Variants in MINDY2 observed in about 807,000 individuals in gnomAD.
MINDY2 encodes ubiquitin carboxyl-terminal hydrolase MINDY-2.
A neutral mutation model predicts 68.2 loss-of-function variants in MINDY2; 52 were observed. The ratio of observed to expected loss-of-function variants is 0.76; its 90% CI spans 0.61 to 0.96. MINDY2 has a LOEUF of 0.96. MINDY2 is among the 40% of genes least tolerant of loss of function. The pLI, the probability that MINDY2 is intolerant of heterozygous loss-of-function variation, is 0.00. For synonymous variants in MINDY2, 372 were observed against 303.0 expected, an observed-to-expected ratio of 1.23 and a Z score of -2.36; for missense variants, 881 against 773.4, an observed-to-expected ratio of 1.14 and a Z score of -1.65.
chr15:58,850,653 A>G (rs1261033297), intron 7 of MINDY2, among the ~76,000 whole-genome samples: 3 of 152,188 alleles, frequency 2.0e-5, no homozygotes, highest in African/African-American at 7.2e-5. Context: ...GTGTGATCAC[A>G]GCTCACTGCA....
intron 6 of MINDY2, 67 bp downstream of exon 6, chr15:58,831,983 T>C (rs1337689261): frequency 1.7e-5 from 23 of 1,390,986 alleles, no homozygotes; most frequent in Non-Finnish European, 2.0e-5. Context: ...GAGTTGTCTT[T>C]TGATCTGCTT....
In MINDY2 at chr15:58,861,357, T is replaced by C. The variant is rs2033213400; in HGVS notation, c.*6747T>C. The C allele has an allele frequency of 6.6e-6, 1 of 152,224 alleles. No individual in the cohort carries two copies. Among genetic ancestry groups the C allele is most frequent in the Non-Finnish European group, 1.5e-5 (1 of 68,030 alleles). 9.4% of individuals were successfully genotyped at this position (152,224 alleles called of 1,614,324 possible). A position where few individuals can be genotyped will look rare whatever the true frequency, so the allele number is the denominator to read the frequency against. Reference sequence around the variant, plus strand: ...AGCGTTTTAATATATAGATTACGTATGAGTGCCTATTTTTTCCTCCTCCTT... The same window carrying C: ...AGCGTTTTAATATATAGATTACGTACGAGTGCCTATTTTTTCCTCCTCCTT... On this transcript the variant is annotated 3_prime_UTR_variant, in exon 9 of 9. Transcript: ENST00000559228.
intron 4 of MINDY2, 128 bp downstream of exon 4, chr15:58,810,516 A>C: frequency 1.1e-6 from 1 of 891,664 alleles, no homozygotes; most frequent in Non-Finnish European, 1.6e-6. Context: ...TAGCCAAACT[A>C]TGAGGTTAAG....
intron 2 of MINDY2, among the ~76,000 whole-genome samples, chr15:58,788,695 C>T (rs1239048143): frequency 6.6e-6 from 1 of 152,156 alleles, no homozygotes; most frequent in African/African-American, 2.4e-5. Flanking sequence ...AATCCATATT[C>T]TACAGTTTTT....
At chr15:58,822,098 C>T (rs1282776740) in intron 5 of MINDY2, among the ~76,000 whole-genome samples, 1 of 151,686 alleles carries the variant, frequency 6.6e-6, no homozygotes, top group African/African-American at 2.4e-5. Context: ...AAAAATACAA[C>T]AAAAAATTAG....
At chr15:58,821,890 T>C (rs2031083352) in intron 5 of MINDY2, 71 bp downstream of exon 5, 2 of 987,418 alleles carry the variant, frequency 2.0e-6, no homozygotes, top group Admixed American at 2.9e-5. Context: ...ACTTAATATC[T>C]TTCAAATTTC....
intron 2 of MINDY2, among the ~76,000 whole-genome samples, chr15:58,791,917 A>G (rs948877714): frequency 3.9e-5 from 6 of 152,096 alleles, no homozygotes; most frequent in Non-Finnish European, 7.3e-5. Context: ...GTGGGGAAGG[A>G]GAAAGAGCCG....
At chr15:58,802,037 T>G (rs1181692913) in intron 2 of MINDY2, among the ~76,000 whole-genome samples, 1 of 152,214 alleles carries the variant, frequency 6.6e-6, no homozygotes, top group Non-Finnish European at 1.5e-5. Context: ...AAATTTGTTA[T>G]AACCTTTGGG....
intron 5 of MINDY2, among the ~76,000 whole-genome samples, chr15:58,826,757 T>TA (rs1395214690): frequency 1.2e-4 from 19 of 152,334 alleles, no homozygotes; most frequent in Middle Eastern, 6.8e-3. Flanking sequence ...TAATAGCTTT[T>TA]AATTTTTTTC....
chr15:58,819,122 G>A (rs1237276910), intron 4 of MINDY2, among the ~76,000 whole-genome samples: 1 of 152,102 alleles, frequency 6.6e-6, no homozygotes, highest in Non-Finnish European at 1.5e-5. Flanking sequence ...GACTATGGAC[G>A]TGCACCACCA....
chr15:58,791,582 A>G (rs1273811705), intron 2 of MINDY2, among the ~76,000 whole-genome samples: 1 of 144,396 alleles, frequency 6.9e-6, no homozygotes, highest in African/African-American at 2.6e-5. Context: ...ACAAGACTGC[A>G]CTCTACCCTG....
chr15:58,782,614 T>C lies in MINDY2; in HGVS notation c.841-5292T>C, dbSNP rs146483138. Among the ~76,000 whole-genome samples the C allele has an allele frequency of 3.5e-3, 531 of 152,300 alleles. 7 individuals are homozygous for C. Among genetic ancestry groups the C allele is most frequent in the Admixed American group, 0.031 (479 of 15,286 alleles). On this transcript the variant is annotated intron_variant, in intron 1 of 8. Coordinates refer to ENST00000559228, the MANE Select transcript of MINDY2 (RefSeq NM_001040450.3). ...ACTTTTCACTGGTCACAAAGTTCTG[T>C]CAATTATGTTTTGTATAAGATTTCA...
intron 7 of MINDY2, among the ~76,000 whole-genome samples, chr15:58,850,887 C>T (rs2032777575): frequency 6.6e-6 from 1 of 151,768 alleles, no homozygotes. Flanking sequence ...GTACCTGGCT[C>T]CCCGCTACTT....
At chr15:58,833,785 C>G (rs2031859894) in intron 6 of MINDY2, among the ~76,000 whole-genome samples, 1 of 151,858 alleles carries the variant, frequency 6.6e-6, no homozygotes, top group South Asian at 2.1e-4. Flanking sequence ...TTCCATTGCT[C>G]AGGGACAAGC....
chr15:58,812,432 G>A (rs574573374), intron 4 of MINDY2, among the ~76,000 whole-genome samples: 164 of 142,474 alleles, frequency 1.2e-3, no homozygotes, highest in African/African-American at 4.0e-3. Flanking sequence ...GCAACGGTCC[G>A]TCTCAAAAAA....
At chr15:58,783,447 G>A (rs1901287828) in intron 1 of MINDY2, among the ~76,000 whole-genome samples, 1 of 152,076 alleles carries the variant, frequency 6.6e-6, no homozygotes, top group Non-Finnish European at 1.5e-5. Context: ...AGTTATTGCT[G>A]AGTCCCCTGC....
At position 58,787,926 on chromosome 15, in the gene MINDY2, G is replaced by A; in HGVS notation, c.861G>A (p.Met287Ile). 6.3e-7 allele frequency: 1 copy of A among 1,597,258 alleles called. No individual in the cohort carries two copies. The highest frequency in any genetic ancestry group is 8.5e-7 in the Non-Finnish European group (1 of 1,173,222). Residue 287 changes from methionine to isoleucine, a missense_variant, in exon 2 of 9, where the codon ATG becomes ATA. Coordinates refer to ENST00000559228, the MANE Select transcript of MINDY2 (RefSeq NM_001040450.3). ...LAWKVKLPPM[M>I]EIITAEQLME... ...TTCAGGTGAAACTTCCACCGATGAT[G>A]GAAATCATAACTGCTGAGCAGCTGA...
intron 2 of MINDY2, 42 bp from the exon 3 acceptor site, chr15:58,802,270 GT>G (rs1220344442): frequency 1.5e-6 from 2 of 1,345,090 alleles, no homozygotes; most frequent in South Asian, 2.7e-5. Context: ...AGAAAAACAA[GT>G]TTTTAAAAGG....
rs368250977 is a variant in MINDY2, at chr15:58,811,428, A to G, written c.1122+1040A>G. ...CTGTCAAAAGTTTAATGAAGAGACT[A>G]TTTACAAAGGTGTGGGCAAAGTTAA... On this transcript the variant is annotated intron_variant, in intron 4 of 8. Coordinates refer to ENST00000559228, the MANE Select transcript of MINDY2 (RefSeq NM_001040450.3). 2.6e-5 allele frequency among the ~76,000 whole-genome samples: 4 copies of G among 152,356 alleles called. 1 individual carries two copies. Among genetic ancestry groups the G allele is most frequent in the African/African-American group, 2.4e-5 (1 of 41,576 alleles).
Sources: allele counts gnomAD v4.1 joint callset (sites outside exome capture counted in the v4.1 genomes callset), GRCh38; gene constraint gnomAD v4.1.1; transcripts MANE v1.5; gene names NCBI Gene and HGNC (gene_info 2026-07-23, HGNC 2026-07-21).